NAMPT: variants seen among roughly 807,000 people sequenced by gnomAD.
The protein encoded by NAMPT is NAmPRTase.
Under a neutral mutation model 58.7 loss-of-function variants are expected in NAMPT, and 7 were observed. The ratio of observed to expected loss-of-function variants is 0.12; its 90% CI spans 0.07 to 0.22. NAMPT has a LOEUF of 0.22. NAMPT is among the 10% of genes least tolerant of loss of function. The pLI is 1.00. For missense variants in NAMPT, 271 were observed against 567.9 expected (o/e 0.48, Z 5.31); for synonymous variants, 145 against 198.1 (o/e 0.73, Z 2.25).
chr7:106,276,269 G>C (rs554422447), intron 2 of NAMPT: 1 of 152,224 alleles, frequency 6.6e-6, no homozygotes, highest in African/African-American at 2.4e-5. Flanking sequence ...ATGTGTTTGG[G>C]AACTGTTTTC....
intron 1 of NAMPT, among the ~76,000 whole-genome samples, chr7:106,282,248 C>T (rs1319052195): frequency 6.6e-6 from 1 of 152,020 alleles, no homozygotes; most frequent in Non-Finnish European, 1.5e-5. Context: ...CCTTGAATTC[C>T]TAATCACCAT....
At chr7:106,268,623 A>C in intron 5 of NAMPT, 23 bp from the exon 6 acceptor site, 3 of 1,586,300 alleles carry the variant, frequency 1.9e-6, no homozygotes, top group Non-Finnish European at 2.6e-6. Flanking sequence ...TCATAAACCA[A>C]AATCCAAAAC....
In NAMPT at chr7:106,248,507, A is replaced by T. The variant is rs1382175632; in HGVS notation, c.*2576T>A. The T allele has an allele frequency of 2.6e-5, 4 of 152,424 alleles. No homozygotes were observed. Among genetic ancestry groups the T allele is most frequent in the Admixed American group, 2.0e-4 (3 of 15,218 alleles). 9.4% of individuals were successfully genotyped at this position (152,424 alleles called of 1,614,324 possible). On this transcript the variant is annotated 3_prime_UTR_variant, in exon 11 of 11. Transcript: ENST00000222553. The stretch of plus-strand genomic sequence containing the variant: ...TAAATACCTTGCCATTTTTCTTTCT[A>T]ATTTTCCAAGATAGATTTCATTATA...
chr7:106,277,142 T>C lies in NAMPT; in HGVS notation c.95A>G (p.Lys32Arg). The C allele has an allele frequency of 6.2e-7, 1 of 1,612,120 alleles. No homozygotes were observed. The highest frequency in any genetic ancestry group is 8.5e-7 in the Non-Finnish European group (1 of 1,178,490). ...HYKQYPPNTS[K>R]VYSYFECREK... is the part of the protein sequence containing the mutation. ...ACGGCATTCAAAGTAGGAATAAACT[T>C]TGCTTGTGTTGGGTGGATATTGTTT... The change falls in exon 2 of 11, where the codon AAA (lysine) becomes AGA (arginine). Residue 32 changes from lysine (K) to arginine (R), a missense_variant. By Grantham distance (26) the Lys-to-Arg change is conservative. Transcript: ENST00000222553.
chr7:106,280,027 T>C (rs1792730690), intron 1 of NAMPT, among the ~76,000 whole-genome samples: 1 of 152,192 alleles, frequency 6.6e-6, no homozygotes, highest in Non-Finnish European at 1.5e-5. Flanking sequence ...GCTTACAGAC[T>C]ACCCCAAGGA....
intron 2 of NAMPT, chr7:106,276,118 G>GTAAT (rs1792633829): frequency 1.3e-5 from 2 of 152,198 alleles, no homozygotes; most frequent in African/African-American, 2.4e-5. Flanking sequence ...GTTTTCAGTA[G>GTAAT]TATAAGACTA....
rs1013000707 is a variant in NAMPT, at chr7:106,248,366, T to C, written c.*2717A>G. On this transcript the variant is annotated 3_prime_UTR_variant, in exon 11 of 11. Coordinates refer to ENST00000222553, the MANE Select transcript of NAMPT (RefSeq NM_005746.3). The stretch of plus-strand genomic sequence containing the variant: ...ACTTGATGTTGAGTACATATTAGAA[T>C]AGACTTAACATACAACTTGGGAGAA... 1.3e-5 allele frequency: 2 copies of C among 152,580 alleles called. No homozygotes were observed. The highest frequency in any genetic ancestry group is 2.1e-4 in the South Asian group (1 of 4,836). The allele number at this position is 152,580 out of a possible 1,614,324, so 9.5% of individuals were successfully genotyped here. A position where few individuals can be genotyped will look rare whatever the true frequency, so the allele number is the denominator to read the frequency against.
At position 106,255,731 on chromosome 7, in the gene NAMPT, C is replaced by T. The variant is rs181857637; in HGVS notation, c.1090-1227G>A. 1.2e-4 allele frequency among the ~76,000 whole-genome samples: 18 copies of T among 152,204 alleles called. No homozygotes were observed. The East Asian group carries it at 3.1e-3, about 26-fold the overall frequency. ...ATCCAGTCTCATGTCTTTATTGTACCTGAACCTAAAGGTACCCAAGGCCCC... is the reference window on the plus strand; with the variant it reads ...ATCCAGTCTCATGTCTTTATTGTACTTGAACCTAAAGGTACCCAAGGCCCC... On this transcript the variant is annotated intron_variant, in intron 8 of 10. Transcript: ENST00000222553.
rs1489505159 is a variant in NAMPT at position 106,263,484 on chromosome 7, C to A, written c.877G>T (p.Glu293Ter). The A allele has an allele frequency of 1.9e-6, 3 of 1,605,336 alleles. No individual in the cohort carries two copies. Among genetic ancestry groups the A allele is most frequent in the Non-Finnish European group, 2.6e-6 (3 of 1,172,104 alleles). ...IYNACEKIWG[E>*]DLRHLIVSRS... ...GATACTATTAAATGTCTTAGATCTT[C>A]ACCCCATATTTTCTCACACGCATTA... Residue 293 changes from glutamate (E) to a stop codon, truncating the protein, a stop_gained, in exon 7 of 11, where the codon GAA (glutamate) becomes TAA (stop). Coordinates refer to ENST00000222553, the MANE Select transcript of NAMPT (RefSeq NM_005746.3). LOFTEE classifies it high-confidence loss of function.
intron 9 of NAMPT, among the ~76,000 whole-genome samples, chr7:106,253,941 C>G (rs1025284297): frequency 1.8e-4 from 28 of 152,230 alleles, no homozygotes; most frequent in African/African-American, 6.5e-4. Context: ...TCTATGGCTA[C>G]TAGAACATGA....
chr7:106,254,417 CTCT>C lies in NAMPT; in HGVS notation c.1174_1176del (p.Arg392del). ...CACTTGAAGGAACAATTCAAGAGAT[CTCT>C]TGTCAACTTCTGTAGCAAACCTCCA... On this transcript the variant is annotated inframe_deletion, in exon 9 of 11. Coordinates refer to ENST00000222553, the MANE Select transcript of NAMPT (RefSeq NM_005746.3). The C allele has an allele frequency of 6.2e-7, 1 of 1,613,954 alleles. No homozygotes were observed. Among genetic ancestry groups the C allele is most frequent in the Non-Finnish European group, 8.5e-7 (1 of 1,179,858 alleles).
At chr7:106,285,092 G>C, upstream of NAMPT, 1 of 1,351,426 alleles carries the variant, frequency 7.4e-7, no homozygotes, top group Non-Finnish European at 9.6e-7. Flanking sequence ...GCGGCGGCTC[G>C]CGTGCTCGCA....
At chr7:106,256,331 T>A (rs1792198903) in intron 8 of NAMPT, among the ~76,000 whole-genome samples, 1 of 152,226 alleles carries the variant, frequency 6.6e-6, no homozygotes, top group Admixed American at 6.5e-5. Flanking sequence ...GTTTACACTG[T>A]CAACCTCATG....
rs1417386181 is a variant in NAMPT, at chr7:106,251,099, T to C, written c.1460A>G (p.Glu487Gly). ...TCATAAAGCCTAATGATGTGCTGCT[T>C]CCAGTTCAATATTCAGCTGTGCATT... ...RKNAQLNIELEAAHH is the reference protein window; with the variant it reads ...RKNAQLNIELGAAHH Residue 487 changes from glutamate (E) to glycine (G), a missense_variant, in exon 11 of 11, where the codon GAA (glutamate) becomes GGA (glycine). Physicochemically the swap from Glu to Gly is moderately conservative, Grantham distance 98 (BLOSUM62 -2). Transcript: ENST00000222553. 2 of 1,570,390 alleles carry C rather than the reference T, an allele frequency of 1.3e-6. No individual in the cohort carries two copies. The highest frequency in any genetic ancestry group is 1.1e-5 in the South Asian group (1 of 90,168).
At chr7:106,273,087 A>G (rs765307330) in intron 3 of NAMPT, among the ~76,000 whole-genome samples, 1 of 152,248 alleles carries the variant, frequency 6.6e-6, no homozygotes, top group Non-Finnish European at 1.5e-5. Context: ...TTGAAAGATA[A>G]AGGATTGCTA....
At chr7:106,261,542 AAT>A (rs1792303092) in intron 8 of NAMPT, 44 bp downstream of exon 8, 1 of 1,385,666 alleles carries the variant, frequency 7.2e-7, no homozygotes, top group Non-Finnish European at 1.0e-6. Context: ...AAACAAACTT[AAT>A]TATAAGAAAT....
chr7:106,255,938 A>C (rs564685523), intron 8 of NAMPT, among the ~76,000 whole-genome samples: 120 of 152,370 alleles, frequency 7.9e-4, no homozygotes, highest in African/African-American at 2.7e-3. Flanking sequence ...AGGCAAAAAC[A>C]AAATGAGGAA....
At chr7:106,264,520 T>A (rs1263623398) in intron 6 of NAMPT, among the ~76,000 whole-genome samples, 2 of 152,068 alleles carry the variant, frequency 1.3e-5, no homozygotes, top group Admixed American at 1.3e-4. Flanking sequence ...TTCTGAAATC[T>A]GAAATCCAGT....
chr7:106,254,668 C>G (rs967308506), intron 8 of NAMPT, among the ~76,000 whole-genome samples, 164 bp from the exon 9 acceptor site: 3 of 152,078 alleles, frequency 2.0e-5, no homozygotes, highest in Non-Finnish European at 2.9e-5. Context: ...CCCACCCACC[C>G]CCAAAAGATG....
Sources: allele counts gnomAD v4.1 joint callset (sites outside exome capture counted in the v4.1 genomes callset), GRCh38; gene constraint gnomAD v4.1.1; transcripts MANE v1.5; gene names NCBI Gene and HGNC (gene_info 2026-07-23, HGNC 2026-07-21).